SGCZ: variants seen among roughly 807,000 people sequenced by gnomAD.
SGCZ encodes sarcoglycan zeta, also known as zeta-sarcoglycan.
A neutral mutation model predicts 41.3 loss-of-function variants in SGCZ; 40 were observed. The observed-to-expected ratio is 0.97, with a 90% CI of 0.75 to 1.26. The LOEUF (loss-of-function observed/expected upper bound fraction) is 1.26, where lower values mean the gene tolerates loss of function less well. SGCZ is among the 50% of genes most tolerant of loss of function. SGCZ has a pLI of 0.00. For synonymous variants in SGCZ, 206 were observed against 137.5 expected, an observed-to-expected ratio of 1.50 and a Z score of -3.49; for missense variants, 552 against 369.8, an observed-to-expected ratio of 1.49 and a Z score of -4.04.
At chr8:14,374,881 G>T (rs1038306460) in intron 2 of SGCZ, among the ~76,000 whole-genome samples, 1 of 152,162 alleles carries the variant, frequency 6.6e-6, no homozygotes, top group Non-Finnish European at 1.5e-5. Context: ...TGAAGTCTAA[G>T]CATTGTTCAA....
intron 1 of SGCZ, among the ~76,000 whole-genome samples, chr8:14,969,053 G>A (rs937428461): frequency 2.6e-5 from 4 of 152,142 alleles, no homozygotes; most frequent in African/African-American, 9.6e-5. Flanking sequence ...TGACAAGTGT[G>A]ATGGATTGAG....
chr8:15,128,962 G>A (rs1403065801), intron 1 of SGCZ, among the ~76,000 whole-genome samples: 1 of 152,032 alleles, frequency 6.6e-6, no homozygotes, highest in Admixed American at 6.6e-5. Context: ...GTGAATTCCA[G>A]CCATGTTTAC....
chr8:14,973,031 G>A lies in SGCZ; in HGVS notation c.39+264554C>T, dbSNP rs186111426. ...GTTTATTTTATCACAAACATTATGA[G>A]TCCTAATTTACTGTGTGCTGGATAT... On this transcript the variant is annotated intron_variant, in intron 1 of 7. Coordinates refer to ENST00000382080, the MANE Select transcript of SGCZ (RefSeq NM_139167.4). Among the ~76,000 whole-genome samples the A allele has an allele frequency of 3.8e-3, 572 of 152,132 alleles. 3 individuals carry two copies. The highest frequency in any genetic ancestry group is 5.1e-3 in the Non-Finnish European group (348 of 68,000).
chr8:14,143,183 T>G (rs910952523), intron 5 of SGCZ, among the ~76,000 whole-genome samples: 1 of 152,094 alleles, frequency 6.6e-6, no homozygotes, highest in African/African-American at 2.4e-5. Context: ...ACAAAGAACG[T>G]ATTTTTAAAA....
intron 4 of SGCZ, among the ~76,000 whole-genome samples, chr8:14,221,826 G>A (rs1005411957): frequency 2.0e-5 from 3 of 151,804 alleles, no homozygotes; most frequent in Non-Finnish European, 4.4e-5. Flanking sequence ...AATCTCAGCT[G>A]GGTGTAATGG....
At chr8:14,682,748 A>G (rs1377673892) in intron 1 of SGCZ, among the ~76,000 whole-genome samples, 1 of 152,132 alleles carries the variant, frequency 6.6e-6, no homozygotes, top group African/African-American at 2.4e-5. Flanking sequence ...TAACTTAACA[A>G]ACAGAGATGT....
intron 1 of SGCZ, among the ~76,000 whole-genome samples, chr8:14,973,138 T>C (rs924493187): frequency 6.6e-6 from 1 of 152,204 alleles, no homozygotes; most frequent in Non-Finnish European, 1.5e-5. Context: ...TAAGTGTCCA[T>C]TTATTCTCTG....
At chr8:15,112,200 A>G (rs1048210307) in intron 1 of SGCZ, among the ~76,000 whole-genome samples, 2 of 152,246 alleles carry the variant, frequency 1.3e-5, no homozygotes, top group African/African-American at 2.4e-5. Flanking sequence ...GAAACCTAAC[A>G]TAAATGAGCA....
intron 2 of SGCZ, among the ~76,000 whole-genome samples, chr8:14,412,617 G>A (rs961589019): frequency 3.3e-5 from 5 of 152,018 alleles, no homozygotes; most frequent in African/African-American, 1.2e-4. Context: ...ATCTTAATGA[G>A]TAACCTAACC....
intron 1 of SGCZ, among the ~76,000 whole-genome samples, chr8:14,953,724 C>A (rs13439657): frequency 6.6e-6 from 1 of 151,938 alleles, no homozygotes; most frequent in South Asian, 2.1e-4. Flanking sequence ...AAAATAATGA[C>A]GCCTCTAGCA....
At chr8:15,176,738 A>C (rs1800010640) in intron 1 of SGCZ, among the ~76,000 whole-genome samples, 1 of 152,222 alleles carries the variant, frequency 6.6e-6, no homozygotes, top group Non-Finnish European at 1.5e-5. Context: ...ACAGTGGCTC[A>C]CGCCTGTAAT....
intron 3 of SGCZ, among the ~76,000 whole-genome samples, chr8:14,267,114 G>C (rs1319939137): frequency 1.3e-5 from 2 of 151,850 alleles, no homozygotes; most frequent in Non-Finnish European, 2.9e-5. Flanking sequence ...GTAGATAATA[G>C]TCCTTTTATC....
At chr8:15,124,673 G>C (rs1410006398) in intron 1 of SGCZ, among the ~76,000 whole-genome samples, 2 of 152,124 alleles carry the variant, frequency 1.3e-5, no homozygotes, top group Non-Finnish European at 1.5e-5. Context: ...TGAGTTTTAT[G>C]GTTGTGCAGT....
chr8:14,321,359 C>A (rs1052332920), intron 3 of SGCZ, among the ~76,000 whole-genome samples: 1 of 151,908 alleles, frequency 6.6e-6, no homozygotes, highest in Non-Finnish European at 1.5e-5. Context: ...AATCATAGAA[C>A]CTTAAAAGTC....
intron 1 of SGCZ, among the ~76,000 whole-genome samples, chr8:15,049,697 C>G (rs1381059991): frequency 6.6e-6 from 1 of 152,034 alleles, no homozygotes. Flanking sequence ...TTGGCTGTGT[C>G]CCCACCCAAA....
At chr8:14,166,825 G>A (rs1563163421) in intron 4 of SGCZ, among the ~76,000 whole-genome samples, 1 of 152,110 alleles carries the variant, frequency 6.6e-6, no homozygotes, top group Admixed American at 6.5e-5. Context: ...GGTGAAGTGA[G>A]GTGAAACCTT....
Position 14,921,405 on chromosome 8 carries a change from G to A in SGCZ, c.39+316180C>T, listed in dbSNP as rs74981667. Among the ~76,000 whole-genome samples the A allele has an allele frequency of 5.9e-4, 90 of 152,092 alleles. 2 individuals carry two copies. In the East Asian group the frequency reaches 0.016, roughly 27 times the overall value. On this transcript the variant is annotated intron_variant, in intron 1 of 7. Transcript: ENST00000382080. The stretch of plus-strand genomic sequence containing the variant: ...AGGCAACTTCTTCATTAGAAAATGG[G>A]GAGAGCAATGACCCCTATCTATCAA...
intron 1 of SGCZ, among the ~76,000 whole-genome samples, chr8:14,718,226 T>C (rs534050239): frequency 1.1e-4 from 16 of 152,066 alleles, no homozygotes; most frequent in African/African-American, 3.9e-4. Context: ...GTTTTTCTTT[T>C]GAAAGTGAAT....
At chr8:15,057,151 G>A (rs1278669940) in intron 1 of SGCZ, among the ~76,000 whole-genome samples, 2 of 152,196 alleles carry the variant, frequency 1.3e-5, no homozygotes, top group African/African-American at 4.8e-5. Flanking sequence ...AGCACTTTCA[G>A]GGGAAGAACA....
Sources: allele counts gnomAD v4.1 joint callset (sites outside exome capture counted in the v4.1 genomes callset), GRCh38; gene constraint gnomAD v4.1.1; transcripts MANE v1.5; gene names NCBI Gene and HGNC (gene_info 2026-07-23, HGNC 2026-07-21).